The following CFAP299 variants were observed in gnomAD, a reference collection of about 807,000 sequenced individuals.
CFAP299 encodes the protein cilia and flagella associated protein 299.
Under a neutral mutation model 27.0 loss-of-function variants are expected in CFAP299, and 21 were observed. That is an observed-to-expected ratio of 0.78 (90% CI 0.55 to 1.12). The LOEUF (loss-of-function observed/expected upper bound fraction) is 1.12, where lower values mean the gene tolerates loss of function less well. Among genes scored for constraint, CFAP299 ranks in the 50% most tolerant of loss-of-function variants. The pLI, the probability that CFAP299 is intolerant of heterozygous loss-of-function variation, is 0.00. For missense variants in CFAP299, 310 were observed against 276.6 expected, an observed-to-expected ratio of 1.12 and a Z score of -0.86; for synonymous variants, 104 against 98.1, an observed-to-expected ratio of 1.06 and a Z score of -0.36.
chr4:80,382,653 A>C (rs1410619167), intron 2 of CFAP299, among the ~76,000 whole-genome samples: 2 of 152,194 alleles, frequency 1.3e-5, no homozygotes, highest in Non-Finnish European at 2.9e-5. Flanking sequence ...CACACAAGTC[A>C]GAATGGCTAT....
rs562288002 is a variant in CFAP299 at position 80,498,602 on chromosome 4, G to A, written c.243-84491G>A. ...AAAGTAAAAAAAAAAATCAGATGAT[G>A]GTGAGGTTGTGGAGAACAGGGAACA... On this transcript the variant is annotated intron_variant, in intron 2 of 5. Transcript: ENST00000358105. Among the ~76,000 whole-genome samples the A allele has an allele frequency of 3.3e-5, 5 of 152,170 alleles. No homozygotes were observed. In the South Asian group the frequency reaches 1.0e-3, roughly 32 times the overall value.
intron 2 of CFAP299, among the ~76,000 whole-genome samples, chr4:80,379,843 A>G (rs963667367): frequency 3.3e-5 from 5 of 152,046 alleles, no homozygotes; most frequent in Non-Finnish European, 5.9e-5. Flanking sequence ...TTGATGTTAC[A>G]GGTTCACTTG....
intron 3 of CFAP299, among the ~76,000 whole-genome samples, chr4:80,710,041 T>C (rs932810471): frequency 6.6e-6 from 1 of 152,172 alleles, no homozygotes; most frequent in Admixed American, 6.6e-5. Context: ...AAAGTGGGAA[T>C]AATACTAGCA....
chr4:80,862,369 C>T (rs952110959), intron 3 of CFAP299, among the ~76,000 whole-genome samples: 1 of 151,376 alleles, frequency 6.6e-6, no homozygotes, highest in Non-Finnish European at 1.5e-5. Flanking sequence ...GACTCCATCT[C>T]GAAAAATATA....
intron 4 of CFAP299, among the ~76,000 whole-genome samples, chr4:80,940,483 G>C (rs569234810): frequency 1.3e-5 from 2 of 152,178 alleles, no homozygotes; most frequent in African/African-American, 4.8e-5. Flanking sequence ...ACCCACTTCA[G>C]TGTGTTTATC....
At chr4:80,795,962 A>G (rs1727835321) in intron 3 of CFAP299, among the ~76,000 whole-genome samples, 1 of 152,178 alleles carries the variant, frequency 6.6e-6, no homozygotes, top group Admixed American at 6.6e-5. Flanking sequence ...TCTGCCACTG[A>G]CACCTCAAGC....
intron 3 of CFAP299, among the ~76,000 whole-genome samples, chr4:80,817,668 G>T (rs534646228): frequency 6.6e-6 from 1 of 152,036 alleles, no homozygotes; most frequent in African/African-American, 2.4e-5. Context: ...TTAGCACATA[G>T]CATGCAATTA....
intron 3 of CFAP299, among the ~76,000 whole-genome samples, chr4:80,803,544 A>C (rs1728716208): frequency 6.6e-6 from 1 of 151,988 alleles, no homozygotes; most frequent in Admixed American, 6.6e-5. Flanking sequence ...GGAAAGTGAA[A>C]GTTAGAGCAA....
rs28804451 is a variant in CFAP299 at position 80,800,524 on chromosome 4, A to G, written c.334-69469A>G. 2.7e-3 allele frequency among the ~76,000 whole-genome samples: 31 copies of G among 11,334 alleles called. 1 individual carries two copies. Among genetic ancestry groups the G allele is most frequent in the East Asian group, 7.9e-3 (1 of 126 alleles). The allele number at this position is 11,334 out of a possible 152,430, so 7.4% of individuals were successfully genotyped here. On this transcript the variant is annotated intron_variant, in intron 3 of 5. Transcript: ENST00000358105. ...ATATATTATATAATATATAATATATAATATATTATATAATATATAATATAT... is the reference window on the plus strand; with the variant it reads ...ATATATTATATAATATATAATATATGATATATTATATAATATATAATATAT...
chr4:80,908,867 T>C (rs1049636018), intron 4 of CFAP299, among the ~76,000 whole-genome samples: 5 of 151,966 alleles, frequency 3.3e-5, no homozygotes, highest in Non-Finnish European at 5.9e-5. Context: ...ATCCAAATGT[T>C]TGAAAATACA....
At chr4:80,357,249 T>G (rs956029426) in intron 1 of CFAP299, among the ~76,000 whole-genome samples, 1 of 152,216 alleles carries the variant, frequency 6.6e-6, no homozygotes, top group African/African-American at 2.4e-5. Flanking sequence ...CAGTATTTTA[T>G]TGAGGATTTT....
intron 2 of CFAP299, among the ~76,000 whole-genome samples, chr4:80,527,615 T>TCA (rs1403144518): frequency 6.6e-6 from 1 of 152,134 alleles, no homozygotes; most frequent in Admixed American, 6.6e-5. Context: ...TGTATTCCCT[T>TCA]CACACACACT....
chr4:80,632,528 A>G (rs1739265945), intron 3 of CFAP299, among the ~76,000 whole-genome samples: 1 of 152,196 alleles, frequency 6.6e-6, no homozygotes, highest in Non-Finnish European at 1.5e-5. Flanking sequence ...GTCTCTTGCC[A>G]TCATGGAAAT....
chr4:80,650,876 G>C (rs1278651239), intron 3 of CFAP299, among the ~76,000 whole-genome samples: 1 of 151,994 alleles, frequency 6.6e-6, no homozygotes, highest in African/African-American at 2.4e-5. Flanking sequence ...GATGGGAAGG[G>C]GGTGCGGGAT....
intron 2 of CFAP299, among the ~76,000 whole-genome samples, chr4:80,413,258 A>G (rs534038040): frequency 3.0e-4 from 46 of 152,302 alleles, no homozygotes; most frequent in South Asian, 6.2e-4. Context: ...AGCATTGACT[A>G]TGGTGCTGGC....
At chr4:80,598,495 A>G (rs1737168890) in intron 3 of CFAP299, among the ~76,000 whole-genome samples, 1 of 152,242 alleles carries the variant, frequency 6.6e-6, no homozygotes, top group African/African-American at 2.4e-5. Flanking sequence ...ATTAGTTTGA[A>G]TATCAAAACA....
chr4:80,553,000 T>A (rs1042492833), intron 2 of CFAP299, among the ~76,000 whole-genome samples: 6 of 152,100 alleles, frequency 3.9e-5, no homozygotes, highest in African/African-American at 1.4e-4. Context: ...TAGGTTTATT[T>A]TTTTTTTTTA....
At chr4:80,755,891 G>C (rs535824297) in intron 3 of CFAP299, among the ~76,000 whole-genome samples, 3 of 152,210 alleles carry the variant, frequency 2.0e-5, no homozygotes, top group African/African-American at 7.2e-5. Flanking sequence ...CCTGCCCTGA[G>C]TTTTGATCAT....
the CFAP299 span, among the ~76,000 whole-genome samples, chr4:80,322,622 A>G: frequency 6.6e-6 from 1 of 152,194 alleles, no homozygotes; most frequent in African/African-American, 2.4e-5. Context: ...TTCTGCTATC[A>G]CTATTATTGA....
Sources: gnomAD v4.1 joint callset for allele counts (sites outside exome capture counted in the v4.1 genomes callset) on GRCh38, gnomAD v4.1.1 for gene constraint, MANE v1.5 for transcripts, NCBI Gene and HGNC (gene_info 2026-07-23, HGNC 2026-07-21) for gene names.